Variants in CDKL1 observed in about 807,000 individuals in gnomAD.
CDKL1 encodes cyclin-dependent kinase-like 1.
In CDKL1, 41 loss-of-function variants were observed where a neutral mutation model predicts 42.0. That is an observed-to-expected ratio of 0.98 (90% confidence interval 0.76 to 1.27). The LOEUF is 1.27. CDKL1 is among the 50% of genes most tolerant of loss of function. The probability of loss-of-function intolerance (pLI) is 0.00; values close to 1 mark genes in which losing one functional copy is unlikely to be tolerated. For synonymous variants in CDKL1, 153 were observed against 158.6 expected, an observed-to-expected ratio of 0.96 and a Z score of 0.26; for missense variants, 394 against 428.4, an observed-to-expected ratio of 0.92 and a Z score of 0.71.
rs770657030 is a variant in CDKL1, at chr14:50,329,092, G to C, written c.*982C>G. 2.0e-5 allele frequency: 3 copies of C among 149,374 alleles called. No individual in the cohort carries two copies. The South Asian group carries it at 6.4e-4, about 32-fold the overall frequency. 9.3% of individuals were successfully genotyped at this position (149,374 alleles called of 1,614,324 possible). ...ACACATACATACACATACAAACATA[G>C]TGCAAAAAGATGTTTCAGGGAAAAC... On this transcript the variant is annotated 3_prime_UTR_variant, in exon 10 of 10. Coordinates refer to ENST00000395834, the MANE Select transcript of CDKL1 (RefSeq NM_004196.7).
intron 2 of CDKL1, among the ~76,000 whole-genome samples, chr14:50,382,345 C>T (rs935562159): frequency 2.1e-4 from 32 of 151,914 alleles, no homozygotes; most frequent in African/African-American, 6.8e-4. Context: ...CCCAGCCACT[C>T]GGGAGGCTGA....
Position 50,360,636 on chromosome 14 carries a change from G to A in CDKL1, c.169-1487C>T, listed in dbSNP as rs2034207797. Among the ~76,000 whole-genome samples the A allele has an allele frequency of 3.3e-5, 5 of 151,412 alleles. No individual in the cohort carries two copies. The South Asian group carries it at 1.0e-3, about 31-fold the overall frequency. On this transcript the variant is annotated intron_variant, in intron 2 of 9. Transcript: ENST00000395834. Reference sequence around the variant, plus strand: ...TTGGTCAGGCTGGTCTCGAACTCCTGACCTCAGGTGATCCACCTGCCTCTC... The same window carrying A: ...TTGGTCAGGCTGGTCTCGAACTCCTAACCTCAGGTGATCCACCTGCCTCTC...
chr14:50,392,067 A>G (rs1191388661), intron 2 of CDKL1, among the ~76,000 whole-genome samples: 2 of 152,200 alleles, frequency 1.3e-5, no homozygotes, highest in Non-Finnish European at 2.9e-5. Flanking sequence ...CCCTCACATG[A>G]TCAAAGCCAA....
At chr14:50,335,623 C>T (rs1377314929) in intron 7 of CDKL1, 30 of 1,529,866 alleles carry the variant, frequency 2.0e-5, no homozygotes, top group Non-Finnish European at 2.5e-5. Flanking sequence ...AGACATACCA[C>T]TGACAAAGGC....
At chr14:50,383,357 C>T (rs899402066) in intron 2 of CDKL1, among the ~76,000 whole-genome samples, 15 of 151,924 alleles carry the variant, frequency 9.9e-5, no homozygotes, top group African/African-American at 1.9e-4. Context: ...CGAGACCAGC[C>T]GGGCCAATAT....
chr14:50,369,722 A>G (rs540766215), intron 2 of CDKL1, among the ~76,000 whole-genome samples: 33 of 150,254 alleles, frequency 2.2e-4, no homozygotes, highest in Middle Eastern at 3.5e-3. Flanking sequence ...GGGTTCAAGC[A>G]ATTCTCCTGC....
At chr14:50,358,016 C>A (rs777758967) in intron 3 of CDKL1, 1 of 1,346,172 alleles carries the variant, frequency 7.4e-7, no homozygotes, top group Admixed American at 1.9e-5. Context: ...GGAATCCAGT[C>A]CTCTCACCCT....
intron 2 of CDKL1, among the ~76,000 whole-genome samples, chr14:50,364,356 C>A (rs1281887079): frequency 6.6e-6 from 1 of 152,166 alleles, no homozygotes; most frequent in African/African-American, 2.4e-5. Flanking sequence ...GTAATCCCAG[C>A]TACTCGGGAG....
At chr14:50,360,870 A>C (rs1266313283) in intron 2 of CDKL1, among the ~76,000 whole-genome samples, 3 of 151,460 alleles carry the variant, frequency 2.0e-5, no homozygotes, top group African/African-American at 7.3e-5. Context: ...GGCTCACCCA[A>C]GTGGTAGCAA....
chr14:50,378,415 T>C (rs1396281634), intron 2 of CDKL1: 4 of 1,366,346 alleles, frequency 2.9e-6, no homozygotes, highest in Non-Finnish European at 3.9e-6. Context: ...TGGGCCGTGA[T>C]AGTAGTAAAA....
intron 2 of CDKL1, among the ~76,000 whole-genome samples, chr14:50,394,800 C>A (rs1042309577): frequency 6.6e-6 from 1 of 152,096 alleles, no homozygotes; most frequent in Non-Finnish European, 1.5e-5. Context: ...ACCTTTCCCC[C>A]CTCTGATATC....
chr14:50,396,394 C>T, intron 1 of CDKL1, 65 bp from the exon 2 acceptor site: 2 of 985,620 alleles, frequency 2.0e-6, no homozygotes, highest in Non-Finnish European at 2.4e-6. Flanking sequence ...GCAACGCGAT[C>T]AGGAGTAACA....
intron 2 of CDKL1, among the ~76,000 whole-genome samples, chr14:50,386,511 G>A (rs1437874568): frequency 3.3e-5 from 5 of 152,198 alleles, no homozygotes; most frequent in Non-Finnish European, 7.3e-5. Context: ...CGAAGGGTAT[G>A]CAGGTATTCA....
At chr14:50,332,505 C>T in intron 8 of CDKL1, 73 bp from the exon 9 acceptor site, 4 of 1,531,900 alleles carry the variant, frequency 2.6e-6, no homozygotes, top group Non-Finnish European at 8.7e-7. Context: ...TTTTTTTCTT[C>T]TTTGAAAGAT....
intron 3 of CDKL1, among the ~76,000 whole-genome samples, chr14:50,356,157 A>G (rs2139440708): frequency 6.6e-6 from 1 of 152,360 alleles, no homozygotes; most frequent in South Asian, 2.1e-4. Context: ...CACCAGCATC[A>G]GTAGCTTATG....
Position 50,330,108 on chromosome 14 carries a change from G to T in CDKL1, c.1040C>A (p.Thr347Asn), listed in dbSNP as rs1211627946. 2.5e-6 allele frequency: 4 copies of T among 1,610,082 alleles called. No homozygotes were observed. Among genetic ancestry groups the T allele is most frequent in the Non-Finnish European group, 3.4e-6 (4 of 1,179,204 alleles). The change falls in exon 10 of 10, where the codon ACC (threonine) becomes AAC (asparagine). Residue 347 changes from threonine to asparagine, a missense_variant. Coordinates refer to ENST00000395834, the MANE Select transcript of CDKL1 (RefSeq NM_004196.7). ...ALDNKKYYCDTKKLNYRFPNI is the reference protein window; with the variant it reads ...ALDNKKYYCDNKKLNYRFPNI ...TGGAAAACGGTAGTTAAGTTTCTTGGTATCACAGTAGTACTTCTTATTATC... is the reference window on the plus strand; with the variant it reads ...TGGAAAACGGTAGTTAAGTTTCTTGTTATCACAGTAGTACTTCTTATTATC...
chr14:50,347,348 G>C (rs1007296859), intron 3 of CDKL1, among the ~76,000 whole-genome samples: 2 of 152,224 alleles, frequency 1.3e-5, no homozygotes, highest in African/African-American at 4.8e-5. Flanking sequence ...GATTTAGAGA[G>C]AGAGAGAGAG....
chr14:50,343,196 C>T, intron 4 of CDKL1: 4 of 395,366 alleles, frequency 1.0e-5, no homozygotes, highest in Non-Finnish European at 1.6e-5. Context: ...AAATACTGCT[C>T]AGGGTCCCTA....
rs1247280929 is a variant in CDKL1 at position 50,366,529 on chromosome 14, G to A, written c.169-7380C>T. ...CTAGTGCAATGGGAAGCCACTGGAA[G>A]GATTTCAGCAAGACGTGATATGATA... On this transcript the variant is annotated intron_variant, in intron 2 of 9. Transcript: ENST00000395834. Among the ~76,000 whole-genome samples the A allele has an allele frequency of 2.0e-5, 3 of 152,186 alleles. No individual in the cohort carries two copies. The East Asian group carries it at 5.8e-4, about 29-fold the overall frequency.
Sources: allele counts gnomAD v4.1 joint callset (sites outside exome capture counted in the v4.1 genomes callset), GRCh38; gene constraint gnomAD v4.1.1; transcripts MANE v1.5; gene names NCBI Gene and HGNC (gene_info 2026-07-23, HGNC 2026-07-21).